The following TFAM variants were observed in gnomAD, a reference collection of about 807,000 sequenced individuals.
TFAM encodes transcription factor A, mitochondrial.
In TFAM, 13 loss-of-function variants were observed where a neutral mutation model predicts 30.6. The observed-to-expected ratio is 0.42, with a 90% CI of 0.28 to 0.67. The LOEUF (loss-of-function observed/expected upper bound fraction) is 0.67, where lower values mean the gene tolerates loss of function less well. Among genes scored for constraint, TFAM ranks in the 30% least tolerant of loss-of-function variants. TFAM has a pLI of 0.21. For synonymous variants in TFAM, 106 were observed against 94.8 expected (o/e 1.12, Z -0.69); for missense variants, 231 against 293.7 (o/e 0.79, Z 1.56).
rs1285372332 is a variant in TFAM at position 58,395,093 on chromosome 10, T to G, written c.*19T>G. 3.1e-6 allele frequency: 5 copies of G among 1,612,180 alleles called. No homozygotes were observed. In the Admixed American group the frequency reaches 6.7e-5, roughly 22 times the overall value. On this transcript the variant is annotated 3_prime_UTR_variant, in exon 7 of 7. Transcript: ENST00000487519. ...GTGTTAAAAGTAGAAGATTGAGATG[T>G]GTTCACAATGGATAGGCACAGGAAA...
chr10:58,385,685 C>A, intron 1 of TFAM, 37 bp downstream of exon 1: 1 of 1,461,372 alleles, frequency 6.8e-7, no homozygotes, highest in Non-Finnish European at 9.4e-7. Flanking sequence ...GGCAGCAGGG[C>A]CCAGGACGTC....
intron 5 of TFAM, among the ~76,000 whole-genome samples, chr10:58,392,864 C>T (rs184239939): frequency 7.8e-4 from 118 of 151,760 alleles, no homozygotes; most frequent in Non-Finnish European, 1.4e-3. Flanking sequence ...TTTGTAGAGA[C>T]GGGGTCTCAT....
intron 5 of TFAM, among the ~76,000 whole-genome samples, chr10:58,392,648 A>C (rs1278486703): frequency 6.6e-6 from 1 of 151,990 alleles, no homozygotes; most frequent in Non-Finnish European, 1.5e-5. Context: ...AGAGAGGATA[A>C]ATGTCCTAAA....
intron 2 of TFAM, 49 bp from the exon 3 acceptor site, chr10:58,388,141 C>T: frequency 7.0e-7 from 1 of 1,431,576 alleles, no homozygotes; most frequent in Admixed American, 1.7e-5. Context: ...GAAATTAATC[C>T]TGAGAGGTAA....
At chr10:58,393,314 G>A (rs1369240003) in intron 5 of TFAM, among the ~76,000 whole-genome samples, 2 of 152,132 alleles carry the variant, frequency 1.3e-5, no homozygotes, top group East Asian at 3.9e-4. Flanking sequence ...AGCCAATCTT[G>A]TGTTTAACCT....
At chr10:58,388,910 A>G (rs1302100582) in intron 4 of TFAM, 91 bp downstream of exon 4, 1 of 1,154,032 alleles carries the variant, frequency 8.7e-7, no homozygotes, top group Admixed American at 2.0e-5. Context: ...ATAGGCAAAT[A>G]AAATATGGTA....
intron 2 of TFAM, among the ~76,000 whole-genome samples, chr10:58,387,249 C>G (rs980779036): frequency 6.6e-6 from 1 of 151,832 alleles, no homozygotes; most frequent in Non-Finnish European, 1.5e-5. Flanking sequence ...GGTGACAGAG[C>G]GAGACCCTGT....
Position 58,398,759 on chromosome 10 carries a change from T to G in TFAM, c.*3685T>G, listed in dbSNP as rs979839573. 3.3e-5 allele frequency: 5 copies of G among 152,206 alleles called. No homozygotes were observed. Among genetic ancestry groups the G allele is most frequent in the African/African-American group, 1.2e-4 (5 of 41,466 alleles). The allele number at this position is 152,206 out of a possible 1,614,324, so 9.4% of individuals were successfully genotyped here. On this transcript the variant is annotated 3_prime_UTR_variant, in exon 7 of 7. Coordinates refer to ENST00000487519, the MANE Select transcript of TFAM (RefSeq NM_003201.3). ...ATATTGTGAGTGACAGTACCCATTA[T>G]TTCTCTTAATTTTACTAACATTTAC...
Position 58,386,154 on chromosome 10 carries a change from C to T in TFAM, c.102-66C>T, listed in dbSNP as rs548024520. Reference sequence around the variant, plus strand: ...ACATTTCTTATTTGGGATCTGTGTTCATATACATGTGAATATTGACAGTTA... The same window carrying T: ...ACATTTCTTATTTGGGATCTGTGTTTATATACATGTGAATATTGACAGTTA... On this transcript the variant is annotated intron_variant, in intron 1 of 6. Transcript: ENST00000487519. 18 of 1,016,288 alleles carry T rather than the reference C, an allele frequency of 1.8e-5. 1 individual carries two copies. The East Asian group carries it at 4.0e-4, about 23-fold the overall frequency. The allele number at this position is 1,016,288 out of a possible 1,614,324, so 63.0% of individuals were successfully genotyped here. A position where few individuals can be genotyped will look rare whatever the true frequency, so the allele number is the denominator to read the frequency against.
At chr10:58,394,094 T>C (rs1166563473) in intron 5 of TFAM, among the ~76,000 whole-genome samples, 1 of 152,188 alleles carries the variant, frequency 6.6e-6, no homozygotes. Flanking sequence ...AGGGAAGGAA[T>C]AAAAACAGAC....
rs1285830482 is a variant in TFAM, at chr10:58,390,813, G to A, written c.490G>A (p.Val164Ile). 7 of 1,613,094 alleles carry A rather than the reference G, an allele frequency of 4.3e-6. No individual in the cohort carries two copies. In the East Asian group the frequency reaches 6.7e-5, roughly 15 times the overall value. The part of the protein sequence containing the change: ...KPKRPRSAYN[V>I]YVAERFQEAK... ...AAAAAGACCTCGTTCAGCTTATAAC[G>A]TTTATGTAGCTGAAAGATTCCAAGA... Residue 164 changes from valine to isoleucine, a missense_variant, in exon 5 of 7, where the codon GTT becomes ATT. Val to Ile is a conservative substitution (Grantham distance 29). Transcript: ENST00000487519.
intron 4 of TFAM, 93 bp downstream of exon 4, chr10:58,388,912 A>T: frequency 1.8e-6 from 2 of 1,122,764 alleles, no homozygotes; most frequent in East Asian, 4.9e-5. Flanking sequence ...AGGCAAATAA[A>T]ATATGGTAGA....
intron 1 of TFAM, among the ~76,000 whole-genome samples, chr10:58,385,854 C>T (rs536912016): frequency 2.0e-5 from 3 of 152,294 alleles, no homozygotes; most frequent in South Asian, 2.1e-4. Flanking sequence ...CTTCTTGCTA[C>T]CCTCCACTCG....
chr10:58,388,209 A>G lies in TFAM; in HGVS notation c.240A>G (p.Leu80=). 6.2e-7 allele frequency: 1 copy of G among 1,613,958 alleles called. No homozygotes were observed. Among genetic ancestry groups the G allele is most frequent in the Non-Finnish European group, 8.5e-7 (1 of 1,179,922 alleles). ...AQNPDAKTTE[L]IRRIAQRWRE... The stretch of plus-strand genomic sequence containing the variant: ...CCATAGATGCAAAAACTACAGAACT[A>G]ATTAGAAGAATTGCCCAGCGTTGGA... Residue 80 remains leucine (L), a synonymous_variant, in exon 3 of 7, where the codon CTA becomes CTG. Transcript: ENST00000487519.
Position 58,396,564 on chromosome 10 carries a change from A to T in TFAM, c.*1490A>T, listed in dbSNP as rs769408131. 1 of 152,194 alleles carries T rather than the reference A, an allele frequency of 6.6e-6. No homozygotes were observed. The highest frequency in any genetic ancestry group is 1.5e-5 in the Non-Finnish European group (1 of 68,030). The allele number at this position is 152,194 out of a possible 1,614,324, so 9.4% of individuals were successfully genotyped here. A position where few individuals can be genotyped will look rare whatever the true frequency, so the allele number is the denominator to read the frequency against. On this transcript the variant is annotated 3_prime_UTR_variant, in exon 7 of 7. Coordinates refer to ENST00000487519, the MANE Select transcript of TFAM (RefSeq NM_003201.3). ...TTTTCCAGTAGCACATATCACAAGA[A>T]CCTCACTGTAGTTGAAAGCCATCTT...
chr10:58,394,504 C>A (rs780277174), intron 6 of TFAM, 90 bp downstream of exon 6: 3 of 1,046,596 alleles, frequency 2.9e-6, no homozygotes, highest in African/African-American at 1.6e-5. Flanking sequence ...GTGAAGACAA[C>A]CTTGTATTAC....
chr10:58,387,180 T>C (rs1840506707), intron 2 of TFAM, among the ~76,000 whole-genome samples: 1 of 152,126 alleles, frequency 6.6e-6, no homozygotes, highest in Admixed American at 6.5e-5. Context: ...AGAGGATCAC[T>C]GGATCCCAGG....
intron 2 of TFAM, chr10:58,386,546 G>T: frequency 1.4e-6 from 1 of 739,480 alleles, no homozygotes; most frequent in Non-Finnish European, 2.1e-6. Context: ...TAAAAATAAC[G>T]TATAGTGTAG....
At chr10:58,385,912 C>T (rs1840479076) in intron 1 of TFAM, among the ~76,000 whole-genome samples, 2 of 152,200 alleles carry the variant, frequency 1.3e-5, no homozygotes, top group Non-Finnish European at 2.9e-5. Flanking sequence ...TTTCCGCCTC[C>T]TCTGCGAATT....
Sources: allele counts gnomAD v4.1 joint callset (sites outside exome capture counted in the v4.1 genomes callset), GRCh38; gene constraint gnomAD v4.1.1; transcripts MANE v1.5; gene names NCBI Gene and HGNC (gene_info 2026-07-23, HGNC 2026-07-21).